Variants in FOXA1 observed in about 807,000 individuals in gnomAD.
The protein encoded by FOXA1 is hepatocyte nuclear factor 3-alpha.
Under a neutral mutation model 29.2 loss-of-function variants are expected in FOXA1, and 9 were observed. The observed-to-expected ratio is 0.31, with a 90% CI of 0.19 to 0.54. FOXA1 has a LOEUF of 0.54. FOXA1 is among the 20% of genes least tolerant of loss of function. The pLI, the probability that FOXA1 is intolerant of heterozygous loss-of-function variation, is 0.95. For synonymous variants in FOXA1, 340 were observed against 300.9 expected (o/e 1.13, Z -1.34); for missense variants, 644 against 681.2 (o/e 0.95, Z 0.61).
chr14:37,595,214 G>T lies in FOXA1; in HGVS notation c.-242C>A. 1 of 241,808 alleles carries T rather than the reference G, an allele frequency of 4.1e-6. No homozygotes were observed. The highest frequency in any genetic ancestry group is 1.6e-4 in the South Asian group (1 of 6,380). 15.0% of individuals were successfully genotyped at this position (241,808 alleles called of 1,614,324 possible). On this transcript the variant is annotated 5_prime_UTR_variant, in exon 1 of 2. Transcript: ENST00000250448. ...GCGGCTGCCGCGGAGCGCGGCGCCG[G>T]GGAGCGCCTCCGCGGGAAGTGAGCG...
intron 1 of FOXA1, 73 bp from the exon 2 acceptor site, chr14:37,592,784 G>C (rs536068963): frequency 1.9e-6 from 3 of 1,584,084 alleles, no homozygotes; most frequent in Non-Finnish European, 2.6e-6. Context: ...GCGGCCGTCC[G>C]GGACCTAACC....
rs139801655 is a variant in FOXA1, at chr14:37,594,904, C to G, written c.69G>C (p.Gln23His). 1,475 of 1,572,706 alleles carry G rather than the reference C, an allele frequency of 9.4e-4. 1 individual carries two copies. The highest frequency in any genetic ancestry group is 2.1e-3 in the Middle Eastern group (12 of 5,836). ...SDWNSYYADT[Q>H]EAYSSVPVSN... is the part of the protein sequence containing the mutation. The stretch of plus-strand genomic sequence containing the variant: ...CCCGCCTCGCCTTGCCTCTCACCTC[C>G]TGCGTGTCTGCGTAGTAGCTGTTCC... The change falls in exon 1 of 2, where the codon CAG becomes CAC. Residue 23 changes from glutamine to histidine, a missense_variant. Coordinates refer to ENST00000250448, the MANE Select transcript of FOXA1 (RefSeq NM_004496.5).
intron 1 of FOXA1, chr14:37,594,081 G>T: frequency 2.4e-6 from 3 of 1,255,232 alleles, no homozygotes; most frequent in Non-Finnish European, 3.1e-6. Context: ...TTTACCTTGG[G>T]GCTTTATTTT....
rs757337935 is a variant in FOXA1 at position 37,591,978 on chromosome 14, T to A, written c.806A>T (p.Glu269Val). 2.7e-4 allele frequency: 418 copies of A among 1,574,924 alleles called. No homozygotes were observed. Among genetic ancestry groups the A allele is most frequent in the Non-Finnish European group, 2.6e-4 (299 of 1,163,582 alleles). Residue 269 changes from glutamate to valine, a missense_variant, in exon 2 of 2, where the codon GAG becomes GTG. Glu to Val is a moderately radical substitution (Grantham distance 121). This residue lies in a region of FOXA1 where 295 missense variants were observed against 294.4 expected (regional missense o/e 1.00). Transcript: ENST00000250448. ...CCCGCCGCCGGCCCCCGGCTGCTTC[T>A]CGCACTTGAAGCGCTTCTGGCGGCG... ...YLRRQKRFKC[E>V]KQPGAGGGGG...
intron 1 of FOXA1, 96 bp from the exon 2 acceptor site, chr14:37,592,807 C>A: frequency 6.7e-7 from 1 of 1,492,342 alleles, no homozygotes; most frequent in South Asian, 1.1e-5. Context: ...GGGGCAAGTG[C>A]AGAGCACTTT....
In FOXA1 at chr14:37,592,631, G is replaced by A. The variant is rs2139184110; in HGVS notation, c.153C>T (p.Asn51=). The change falls in exon 2 of 2, where the codon AAC becomes AAT. Residue 51 remains asparagine (N), a synonymous_variant. Coordinates refer to ENST00000250448, the MANE Select transcript of FOXA1 (RefSeq NM_004496.5). The stretch of plus-strand genomic sequence containing the variant: ...TCATGTTGCCGCTCGTAGTCATGGT[G>A]TTCATGGTCATGTAGGTGTTCATGG... ...MNSMNTYMTM[N]TMTTSGNMTP... The A allele has an allele frequency of 6.2e-7, 1 of 1,614,234 alleles. No homozygotes were observed. The highest frequency in any genetic ancestry group is 8.5e-7 in the Non-Finnish European group (1 of 1,180,044).
chr14:37,594,559 C>T (rs1176853009), intron 1 of FOXA1: 7 of 226,526 alleles, frequency 3.1e-5, no homozygotes, highest in Non-Finnish European at 4.5e-5. Flanking sequence ...GCTTCCAACT[C>T]GCACCGGCGC....
At chr14:37,594,863 G>T (rs777679034) in intron 1 of FOXA1, 38 bp downstream of exon 1, 14 of 1,520,640 alleles carry the variant, frequency 9.2e-6, no homozygotes, top group Non-Finnish European at 1.2e-5. Context: ...GGGCTCCAGC[G>T]GCGCCCCACC....
At position 37,592,038 on chromosome 14, in the gene FOXA1, T is replaced by C. The variant is rs1416489774; in HGVS notation, c.746A>G (p.Asp249Gly). Reference sequence around the variant, plus strand: ...GCCGTTCTCGAACATGTTGCCGGAGTCCGGGTGCAGCGTCCAGTAGGAGCC... The same window carrying C: ...GCCGTTCTCGAACATGTTGCCGGAGCCCGGGTGCAGCGTCCAGTAGGAGCC... ...GKGSYWTLHPDSGNMFENGCY... is the reference protein window; with the variant it reads ...GKGSYWTLHPGSGNMFENGCY... Residue 249 changes from aspartate (D) to glycine (G), a missense_variant, in exon 2 of 2, where the codon GAC (aspartate) becomes GGC (glycine). Around this residue, in one of 5 missense-constraint regions of FOXA1, gnomAD observed 24 missense variants for 26.3 expected, o/e 0.91. Transcript: ENST00000250448. 2 of 1,606,916 alleles carry C rather than the reference T, an allele frequency of 1.2e-6. No individual in the cohort carries two copies. Among genetic ancestry groups the C allele is most frequent in the Non-Finnish European group, 1.7e-6 (2 of 1,176,422 alleles).
At chr14:37,594,275 C>T in intron 1 of FOXA1, 1 of 1,233,282 alleles carries the variant, frequency 8.1e-7, no homozygotes, top group Non-Finnish European at 1.0e-6. Context: ...CCCCCATGAA[C>T]GTGCCACCAA....
Position 37,590,915 on chromosome 14 carries a change from T to C in FOXA1, c.*450A>G. 2.9e-6 allele frequency: 1 copy of C among 345,492 alleles called. No individual in the cohort carries two copies. Among genetic ancestry groups the C allele is most frequent in the Non-Finnish European group, 5.4e-6 (1 of 185,806 alleles). The allele number at this position is 345,492 out of a possible 1,614,324, so 21.4% of individuals were successfully genotyped here. On this transcript the variant is annotated 3_prime_UTR_variant, in exon 2 of 2. Coordinates refer to ENST00000250448, the MANE Select transcript of FOXA1 (RefSeq NM_004496.5). Reference sequence around the variant, plus strand: ...ATTTCAATTCTTATGGTTAAGAGTATTGCCACAGACCTGTAAACTCGTAGG... The same window carrying C: ...ATTTCAATTCTTATGGTTAAGAGTACTGCCACAGACCTGTAAACTCGTAGG...
intron 1 of FOXA1, among the ~76,000 whole-genome samples, chr14:37,593,072 C>T (rs773071670): frequency 2.0e-5 from 3 of 152,246 alleles, no homozygotes; most frequent in Non-Finnish European, 4.4e-5. Flanking sequence ...CCAGCCTCGG[C>T]AAAGCGCCCT....
chr14:37,592,771 A>C, intron 1 of FOXA1, 60 bp from the exon 2 acceptor site: 2 of 1,597,696 alleles, frequency 1.3e-6, no homozygotes, highest in Non-Finnish European at 1.7e-6. Flanking sequence ...TGGGCACTGG[A>C]GGGCGGCCGT....
chr14:37,592,891 C>A (rs776115655), intron 1 of FOXA1, among the ~76,000 whole-genome samples, 180 bp from the exon 2 acceptor site: 10 of 152,242 alleles, frequency 6.6e-5, no homozygotes, highest in African/African-American at 2.4e-4. Flanking sequence ...ATGTCTTGCA[C>A]GGCAGGGGGA....
chr14:37,594,853 G>A (rs1181016688), intron 1 of FOXA1, 48 bp downstream of exon 1: 2 of 1,456,606 alleles, frequency 1.4e-6, no homozygotes, highest in African/African-American at 1.5e-5. Flanking sequence ...CCCCCGGCAC[G>A]GGCTCCAGCG....
In FOXA1 at chr14:37,589,719, C is replaced by CAAAA. The variant is rs11335498; in HGVS notation, c.*1642_*1645dup. The stretch of plus-strand genomic sequence containing the variant: ...AAACACAGAAGGCTTAAGCCGGTGT[C>CAAAA]AAAAAAAAAAAAAAAAATGAAGTAA... On this transcript the variant is annotated 3_prime_UTR_variant, in exon 2 of 2. Coordinates refer to ENST00000250448, the MANE Select transcript of FOXA1 (RefSeq NM_004496.5). Among the ~76,000 whole-genome samples, 2 of 138,750 alleles carry CAAAA rather than the reference C, an allele frequency of 1.4e-5. No individual in the cohort carries two copies. Among genetic ancestry groups the CAAAA allele is most frequent in the African/African-American group, 2.6e-5 (1 of 38,272 alleles). 91.0% of individuals were successfully genotyped at this position (138,750 alleles called of 152,430 possible).
rs556286191 is a variant in FOXA1 at position 37,593,514 on chromosome 14, A to C, written c.73-803T>G. On this transcript the variant is annotated intron_variant, in intron 1 of 1. Coordinates refer to ENST00000250448, the MANE Select transcript of FOXA1 (RefSeq NM_004496.5). ...AATCTTTTTTTTTTTTCACATGCTG[A>C]TGTTGCTGCCGATGATTTCAACGCC... Among the ~76,000 whole-genome samples, 371 of 151,406 alleles carry C rather than the reference A, an allele frequency of 2.5e-3. 3 individuals are homozygous for C. The highest frequency in any genetic ancestry group is 7.9e-3 in the African/African-American group (324 of 41,216).
At chr14:37,593,527 T>C (rs72674251) in intron 1 of FOXA1, among the ~76,000 whole-genome samples, 6,497 of 152,182 alleles carry the variant, frequency 0.043, 234 homozygotes, top group East Asian at 0.17. Flanking sequence ...TTGCTGCCGA[T>C]GATTTCAACG....
At position 37,591,402 on chromosome 14, in the gene FOXA1, T is replaced by C. The variant is rs909497251; in HGVS notation, c.1382A>G (p.Gln461Arg). 8.7e-6 allele frequency: 14 copies of C among 1,613,872 alleles called. No individual in the cohort carries two copies. Among genetic ancestry groups the C allele is most frequent in the Non-Finnish European group, 1.0e-5 (12 of 1,180,006 alleles). Residue 461 changes from glutamine (Q) to arginine (R), a missense_variant, in exon 2 of 2, where the codon CAA becomes CGA. Gln to Arg is a conservative substitution (Grantham distance 43). This residue lies in a region of FOXA1 where 295 missense variants were observed against 294.4 expected (regional missense o/e 1.00). Transcript: ENST00000250448. The part of the protein sequence containing the change: ...EPSALEPAYY[Q>R]GVYSRPVLNT... ...TAGGACGGGTCTGGAATACACACCTTGGTAGTACGCCGGCTCCAGGGCTGA... is the reference window on the plus strand; with the variant it reads ...TAGGACGGGTCTGGAATACACACCTCGGTAGTACGCCGGCTCCAGGGCTGA...
Sources: gnomAD v4.1 joint callset for allele counts (sites outside exome capture counted in the v4.1 genomes callset) on GRCh38, gnomAD v4.1.1 for gene constraint, gnomAD v4.1.1 regional missense constraint, MANE v1.5 for transcripts, NCBI Gene and HGNC (gene_info 2026-07-23, HGNC 2026-07-21) for gene names.